Variants in IGBP1C observed in about 807,000 individuals in gnomAD.
The protein encoded by IGBP1C is immunoglobulin-binding protein 1 family member C.
the IGBP1C span, among the ~76,000 whole-genome samples, chr17:58,663,454 A>G: frequency 6.6e-6 from 1 of 151,406 alleles, no homozygotes; most frequent in Non-Finnish European, 1.5e-5. Context: ...ATTAATGCCA[A>G]TGTAACTGAA....
At chr17:58,685,603 G>C in the IGBP1C span, among the ~76,000 whole-genome samples, 2 of 151,568 alleles carry the variant, frequency 1.3e-5, no homozygotes, top group Non-Finnish European at 1.5e-5. Context: ...GAAGCAAATG[G>C]GAAAGAGGAA....
At chr17:58,687,720 C>T in the IGBP1C span, among the ~76,000 whole-genome samples, 2 of 152,100 alleles carry the variant, frequency 1.3e-5, no homozygotes, top group Non-Finnish European at 2.9e-5. Flanking sequence ...CATATTATTC[C>T]TCTCCTATGT....
the IGBP1C span, among the ~76,000 whole-genome samples, chr17:58,691,757 T>A: frequency 4.9e-3 from 743 of 151,266 alleles, 4 homozygotes; most frequent in African/African-American, 6.5e-3. Context: ...AAGGAACTCA[T>A]AAACCACCTT....
the IGBP1C span, among the ~76,000 whole-genome samples, chr17:58,681,656 C>G: frequency 2.0e-5 from 3 of 152,032 alleles, no homozygotes; most frequent in African/African-American, 7.2e-5. Flanking sequence ...TCGAGACCAG[C>G]CTGGCAAACA....
chr17:58,677,554 C>T, the IGBP1C span: 1 of 152,198 alleles, frequency 6.6e-6, no homozygotes, highest in Non-Finnish European at 1.5e-5. Context: ...TGGCTACTTC[C>T]CATTTGACAA....
At chr17:58,677,718 C>T in the IGBP1C span, 1 of 73,102 alleles carries the variant, frequency 1.4e-5, no homozygotes, top group African/African-American at 1.2e-4. Context: ...GTCAGGGTAT[C>T]TTCCCTGCCC....
the IGBP1C span, among the ~76,000 whole-genome samples, chr17:58,685,997 A>AC: frequency 4.0e-5 from 1 of 25,058 alleles, no homozygotes; most frequent in African/African-American, 2.3e-4. Context: ...TCTGTCTCAC[A>AC]AAAAAAAAAA....
the IGBP1C span, chr17:58,661,496 G>A: frequency 2.6e-6 from 2 of 781,158 alleles, no homozygotes; most frequent in African/African-American, 1.7e-5. Flanking sequence ...TCGGGAACCG[G>A]TGGGTTCAGT....
chr17:58,690,403 C>G, the IGBP1C span, among the ~76,000 whole-genome samples: 7 of 152,060 alleles, frequency 4.6e-5, no homozygotes, highest in Non-Finnish European at 1.0e-4. Context: ...TGAGATCAAG[C>G]GATGTGCCCT....
the IGBP1C span, among the ~76,000 whole-genome samples, chr17:58,671,247 A>G: frequency 6.6e-5 from 10 of 152,172 alleles, no homozygotes; most frequent in Admixed American, 6.6e-4. Flanking sequence ...TAGACTAGAG[A>G]GGGTTTCTTT....
the IGBP1C span, among the ~76,000 whole-genome samples, chr17:58,662,138 G>T: frequency 2.0e-5 from 3 of 150,582 alleles, no homozygotes; most frequent in Admixed American, 6.6e-5. Context: ...ACCACGCCTG[G>T]CCTAAAACTC....
At chr17:58,665,032 A>G in the IGBP1C span, among the ~76,000 whole-genome samples, 1 of 152,206 alleles carries the variant, frequency 6.6e-6, no homozygotes. Flanking sequence ...TAATACAGCA[A>G]GGCTCTCTGG....
chr17:58,678,183 ATTGAT>A, the IGBP1C span, among the ~76,000 whole-genome samples: 1 of 152,110 alleles, frequency 6.6e-6, no homozygotes, highest in Admixed American at 6.6e-5. Context: ...TTTAGATGTG[ATTGAT>A]TTAAGATGAA....
At chr17:58,683,044 G>C in the IGBP1C span, among the ~76,000 whole-genome samples, 329 of 130,562 alleles carry the variant, frequency 2.5e-3, no homozygotes, top group African/African-American at 9.1e-3. Context: ...CAGTGCGAGA[G>C]TCTGTCTCAA....
At chr17:58,661,328 G>C in the IGBP1C span, 18 of 876,870 alleles carry the variant, frequency 2.1e-5, no homozygotes, top group Middle Eastern at 4.3e-4. Context: ...TTGTTTCATG[G>C]TGAGGGCTCC....
the IGBP1C span, among the ~76,000 whole-genome samples, chr17:58,676,406 C>A: frequency 1.3e-5 from 2 of 148,514 alleles, no homozygotes; most frequent in East Asian, 2.0e-4. Context: ...AAAAAAAACA[C>A]AAAAAAACCC....
At chr17:58,666,297 G>A in the IGBP1C span, among the ~76,000 whole-genome samples, 1 of 151,756 alleles carries the variant, frequency 6.6e-6, no homozygotes. Flanking sequence ...GCGGTGAGCC[G>A]AGATTGCTCC....
At chr17:58,667,668 T>C in the IGBP1C span, among the ~76,000 whole-genome samples, 4 of 152,280 alleles carry the variant, frequency 2.6e-5, no homozygotes, top group Admixed American at 2.6e-4. Flanking sequence ...GCGAATCACT[T>C]GAGGTCAGGA....
At chr17:58,690,592 AG>A in the IGBP1C span, among the ~76,000 whole-genome samples, 1 of 152,190 alleles carries the variant, frequency 6.6e-6, no homozygotes, top group Non-Finnish European at 1.5e-5. Flanking sequence ...TCTTCACCCA[AG>A]AATCTGGGTG....
Sources: gnomAD v4.1 joint callset for allele counts (sites outside exome capture counted in the v4.1 genomes callset) on GRCh38, gnomAD v4.1.1 for gene constraint, MANE v1.5 for transcripts, NCBI Gene and HGNC (gene_info 2026-07-23, HGNC 2026-07-21) for gene names.